Variants in ZNF334 observed in about 807,000 individuals in gnomAD.
The protein encoded by ZNF334 is zinc finger protein 334.
ZNF334 carries 14 observed loss-of-function variants against 12.4 expected under a neutral mutation model. The ratio of observed to expected loss-of-function variants is 1.13; its 90% CI spans 0.74 to 1.76. The LOEUF (loss-of-function observed/expected upper bound fraction) is 1.76, where lower values mean the gene tolerates loss of function less well. Among genes scored for constraint, ZNF334 ranks in the 40% most tolerant of loss-of-function variants. The pLI is 0.00. For missense variants in ZNF334, 797 were observed against 804.5 expected (o/e 0.99, Z 0.11); for synonymous variants, 273 against 269.6 (o/e 1.01, Z -0.12).
At chr20:46,504,424 A>G in intron 3 of ZNF334, 118 bp from the exon 4 acceptor site, 1 of 1,144,146 alleles carries the variant, frequency 8.7e-7, no homozygotes, top group Admixed American at 2.3e-5. Context: ...ATAGCTCAGT[A>G]AAGCTAGAAC....
chr20:46,504,142 C>A, intron 4 of ZNF334, 72 bp downstream of exon 4: 1 of 1,048,904 alleles, frequency 9.5e-7, no homozygotes, highest in Non-Finnish European at 1.4e-6. Context: ...ATTACGATGC[C>A]AACTATTACC....
chr20:46,470,051 T>C, the ZNF334 span, among the ~76,000 whole-genome samples: 1 of 152,102 alleles, frequency 6.6e-6, no homozygotes, highest in Non-Finnish European at 1.5e-5. Context: ...ATAGTAGAGC[T>C]CCCAGAGCTC....
chr20:46,477,506 T>C, the ZNF334 span, among the ~76,000 whole-genome samples: 1 of 152,192 alleles, frequency 6.6e-6, no homozygotes, highest in Non-Finnish European at 1.5e-5. Flanking sequence ...ACCTGGAATT[T>C]TAAAAGTGTT....
Position 46,502,689 on chromosome 20 carries a change from GT to G in ZNF334, c.649del (p.Thr217ProfsTer60). ...AATGAGAATTGCCCTCTTGAAGAAG[GT>G]TTTCCCACATTTATTATAGTCAAAC... is the stretch of plus-strand genomic sequence containing the variant. Reference protein sequence around the residue: ...QPFDYNKCGKTFFKRAILITQ... With the variant: ...QPFDYNKCGKXFFKRAILITQ... On this transcript the variant is annotated frameshift_variant, in exon 5 of 5. Transcript: ENST00000692313. LOFTEE classifies it low-confidence loss of function (END_TRUNC). 6.2e-7 allele frequency: 1 copy of G among 1,612,860 alleles called. No individual in the cohort carries two copies. Among genetic ancestry groups the G allele is most frequent in the Non-Finnish European group, 8.5e-7 (1 of 1,179,958 alleles).
chr20:46,472,026 C>A, the ZNF334 span, among the ~76,000 whole-genome samples: 4 of 152,168 alleles, frequency 2.6e-5, no homozygotes, highest in African/African-American at 4.8e-5. Context: ...GACATCTTTA[C>A]AATATTTAGT....
rs2146025296 is a variant in ZNF334, at chr20:46,512,568, T to C, written c.-67A>G. 1.3e-5 allele frequency: 2 copies of C among 153,704 alleles called. No homozygotes were observed. Among genetic ancestry groups the C allele is most frequent in the South Asian group, 4.1e-4 (2 of 4,920 alleles). The allele number at this position is 153,704 out of a possible 1,614,324, so 9.5% of individuals were successfully genotyped here. On this transcript the variant is annotated 5_prime_UTR_variant, in exon 1 of 5. Coordinates refer to ENST00000692313, the MANE Select transcript of ZNF334 (RefSeq NM_001353824.2). ...TTTTCCTACTAATGTGTTTAGCCAC[T>C]TGAGATGACAGAATCCAGAGAGAAT...
the ZNF334 span, among the ~76,000 whole-genome samples, chr20:46,480,249 T>C: frequency 6.6e-6 from 1 of 152,180 alleles, no homozygotes; most frequent in South Asian, 2.1e-4. Context: ...TCACAGGTTC[T>C]GGGGGTTAGG....
At position 46,506,443 on chromosome 20, in the gene ZNF334, C is replaced by T. The variant is rs187962271; in HGVS notation, c.22-1703G>A. Reference sequence around the variant, plus strand: ...AAGCTCAAGATCAGTCTGGGCAACACGGCAAAACCCCATCTCTACAAAAAA... The same window carrying T: ...AAGCTCAAGATCAGTCTGGGCAACATGGCAAAACCCCATCTCTACAAAAAA... On this transcript the variant is annotated intron_variant, in intron 2 of 4. Transcript: ENST00000692313. 108 of 417,888 alleles carry T rather than the reference C, an allele frequency of 2.6e-4. 1 individual carries two copies. The highest frequency in any genetic ancestry group is 1.1e-3 in the African/African-American group (56 of 48,772). 25.9% of individuals were successfully genotyped at this position (417,888 alleles called of 1,614,324 possible).
chr20:46,503,035 A>G lies in ZNF334; in HGVS notation c.304T>C (p.Phe102Leu), dbSNP rs2061304079. 3.1e-6 allele frequency: 5 copies of G among 1,612,766 alleles called. No individual in the cohort carries two copies. The highest frequency in any genetic ancestry group is 1.7e-5 in the Admixed American group (1 of 59,694). Residue 102 changes from phenylalanine to leucine, a missense_variant, in exon 5 of 5, where the codon TTC becomes CTC. Phe to Leu is a conservative substitution (Grantham distance 22, BLOSUM62 0). Transcript: ENST00000692313. ...IQDKHLTQTV[F>L]FSNKTLITER... Reference sequence around the variant, plus strand: ...GTAATCAGTGTTTTGTTGCTGAAGAATACAGTTTGTGTCAAATGTTTATCT... The same window carrying G: ...GTAATCAGTGTTTTGTTGCTGAAGAGTACAGTTTGTGTCAAATGTTTATCT...
At chr20:46,506,990 T>C (rs1363046573) in intron 2 of ZNF334, among the ~76,000 whole-genome samples, 1 of 151,816 alleles carries the variant, frequency 6.6e-6, no homozygotes, top group East Asian at 1.9e-4. Context: ...GGCACATGCC[T>C]GTAGTCCCAG....
downstream of ZNF334, among the ~76,000 whole-genome samples, chr20:46,498,298 T>C (rs1016638618): frequency 2.0e-5 from 3 of 152,186 alleles, no homozygotes; most frequent in African/African-American, 7.2e-5. Flanking sequence ...GTGAAAGTGA[T>C]AGTTTTCCAA....
chr20:46,481,534 AG>A, the ZNF334 span, among the ~76,000 whole-genome samples: 9 of 152,364 alleles, frequency 5.9e-5, no homozygotes, highest in East Asian at 1.5e-3. Flanking sequence ...GCTGAAGAAT[AG>A]GAGTCCCTGG....
At chr20:46,488,432 TATATATATATAA>T in the ZNF334 span, among the ~76,000 whole-genome samples, 2 of 139,688 alleles carry the variant, frequency 1.4e-5, no homozygotes, top group African/African-American at 5.6e-5. Flanking sequence ...TATATATATA[TATATATATATAA>T]ATACCATAAT....
Position 46,502,126 on chromosome 20 carries a change from A to G in ZNF334, c.1213T>C (p.Tyr405His), listed in dbSNP as rs2061211156. 1 of 1,614,190 alleles carries G rather than the reference A, an allele frequency of 6.2e-7. No homozygotes were observed. Among genetic ancestry groups the G allele is most frequent in the African/African-American group, 1.3e-5 (1 of 75,050 alleles). ...HQRIHTGEKP[Y>H]ECSECEKTFF... ...GTTTTCTCACATTCACTACATTCATAGGGTTTTTCCCCTGTGTGAATTCTC... is the reference window on the plus strand; with the variant it reads ...GTTTTCTCACATTCACTACATTCATGGGGTTTTTCCCCTGTGTGAATTCTC... Residue 405 changes from tyrosine to histidine, a missense_variant, in exon 5 of 5, where the codon TAT becomes CAT. Transcript: ENST00000692313.
At chr20:46,465,165 G>A in the ZNF334 span, 15 of 209,882 alleles carry the variant, frequency 7.1e-5, no homozygotes, top group Non-Finnish European at 1.2e-4. Context: ...CCTTCTTCCC[G>A]TCCCCAGGGA....
the ZNF334 span, among the ~76,000 whole-genome samples, chr20:46,488,227 C>T: frequency 1.3e-5 from 2 of 150,302 alleles, no homozygotes; most frequent in African/African-American, 2.4e-5. Flanking sequence ...TATCCTTACC[C>T]TATTTTGGAT....
chr20:46,486,345 C>T, the ZNF334 span, among the ~76,000 whole-genome samples: 2 of 152,242 alleles, frequency 1.3e-5, no homozygotes, highest in East Asian at 3.9e-4. Flanking sequence ...ACCTGGGAGG[C>T]AGAGGTTACA....
At chr20:46,470,416 G>T in the ZNF334 span, among the ~76,000 whole-genome samples, 2 of 152,190 alleles carry the variant, frequency 1.3e-5, no homozygotes, top group Non-Finnish European at 2.9e-5. Flanking sequence ...TCAGCTGAAG[G>T]AAACTACCCT....
chr20:46,492,772 T>C, the ZNF334 span: 3 of 152,198 alleles, frequency 2.0e-5, no homozygotes, highest in African/African-American at 7.2e-5. Flanking sequence ...CTTGGAAATA[T>C]AAATATGTAA....
Sources: gnomAD v4.1 joint callset for allele counts (sites outside exome capture counted in the v4.1 genomes callset) on GRCh38, gnomAD v4.1.1 for gene constraint, MANE v1.5 for transcripts, NCBI Gene and HGNC (gene_info 2026-07-23, HGNC 2026-07-21) for gene names.